The following GRIK1 variants were observed in gnomAD, a reference collection of about 807,000 sequenced individuals.
The protein encoded by GRIK1 is glutamate receptor ionotropic, kainate 1.
In GRIK1, 69 loss-of-function variants were observed where a neutral mutation model predicts 105.7. That is an observed-to-expected ratio of 0.65 (90% CI 0.54 to 0.80). GRIK1 has a LOEUF of 0.80. GRIK1 is among the 30% of genes least tolerant of loss of function. GRIK1 has a pLI of 0.00. For synonymous variants in GRIK1, 438 were observed against 431.3 expected (o/e 1.02, Z -0.19); for missense variants, 1,109 against 1,167.3 (o/e 0.95, Z 0.73).
intron 4 of GRIK1, among the ~76,000 whole-genome samples, chr21:29,660,576 G>T (rs2062944081): frequency 6.6e-6 from 1 of 152,146 alleles, no homozygotes; most frequent in East Asian, 1.9e-4. Flanking sequence ...CACATAATTG[G>T]TCTGCTGCTA....
At chr21:29,854,534 C>T (rs1186764916) in intron 1 of GRIK1, among the ~76,000 whole-genome samples, 2 of 152,050 alleles carry the variant, frequency 1.3e-5, no homozygotes, top group Non-Finnish European at 2.9e-5. Flanking sequence ...AATTACTATG[C>T]CTGGAATGGA....
intron 1 of GRIK1, among the ~76,000 whole-genome samples, chr21:29,904,760 G>C (rs149855676): frequency 1.3e-3 from 194 of 152,314 alleles, no homozygotes; most frequent in African/African-American, 4.5e-3. Context: ...GAACCAGGAA[G>C]TGTTGACCTG....
At position 29,554,305 on chromosome 21, in the gene GRIK1, A is replaced by G. The variant is rs116115763; in HGVS notation, c.2607+747T>C. On this transcript the variant is annotated intron_variant, in intron 16 of 17. Transcript: ENST00000327783. ...TCACTATGATGACCATAAACTTTAT[A>G]TTTTGTTTATTCTAGCATGGTTATG... 8.2e-3 allele frequency among the ~76,000 whole-genome samples: 1,254 copies of G among 152,298 alleles called. 23 individuals carry two copies. Among genetic ancestry groups the G allele is most frequent in the African/African-American group, 0.029 (1,185 of 41,564 alleles).
chr21:29,858,482 G>A (rs189326467), intron 1 of GRIK1, among the ~76,000 whole-genome samples: 32 of 152,212 alleles, frequency 2.1e-4, no homozygotes, highest in Admixed American at 5.2e-4. Context: ...GTGACTCCCC[G>A]GCGGCTGTTC....
Position 29,645,702 on chromosome 21 carries a change from G to T in GRIK1, c.955-2733C>A, listed in dbSNP as rs78703504. Reference sequence around the variant, plus strand: ...CTCCCCCTTTCAGTTTTGTGCTCGAGGCCTGCTTACTGAATGACTGTCATC... The same window carrying T: ...CTCCCCCTTTCAGTTTTGTGCTCGATGCCTGCTTACTGAATGACTGTCATC... On this transcript the variant is annotated intron_variant, in intron 6 of 17. Coordinates refer to ENST00000327783, the MANE Select transcript of GRIK1 (RefSeq NM_001330994.2). Among the ~76,000 whole-genome samples, 882 of 152,196 alleles carry T rather than the reference G, an allele frequency of 5.8e-3. 2 individuals carry two copies. The highest frequency in any genetic ancestry group is 0.02 in the African/African-American group (839 of 41,506).
chr21:29,621,199 G>A (rs2061994073), intron 7 of GRIK1, among the ~76,000 whole-genome samples: 1 of 152,122 alleles, frequency 6.6e-6, no homozygotes, highest in African/African-American at 2.4e-5. Flanking sequence ...GAAACAGAAA[G>A]TAATAACAGT....
At chr21:29,564,038 CAT>C (rs66526981) in intron 14 of GRIK1, among the ~76,000 whole-genome samples, 298 of 152,294 alleles carry the variant, frequency 2.0e-3, no homozygotes, top group African/African-American at 6.3e-3. Flanking sequence ...TTCATGGACT[CAT>C]TATTCCCTGA....
intron 1 of GRIK1, among the ~76,000 whole-genome samples, chr21:29,890,738 C>A (rs546949452): frequency 1.2e-4 from 18 of 152,210 alleles, no homozygotes; most frequent in Admixed American, 1.2e-3. Context: ...TTGGCAGGAA[C>A]CCAATATAAG....
intron 1 of GRIK1, among the ~76,000 whole-genome samples, chr21:29,808,825 A>G (rs976298298): frequency 6.6e-6 from 1 of 152,132 alleles, no homozygotes. Context: ...TTAGCCCCCC[A>G]TGTTTGTGAG....
intron 1 of GRIK1, among the ~76,000 whole-genome samples, chr21:29,888,269 C>T (rs1020660503): frequency 4.4e-5 from 6 of 137,332 alleles, no homozygotes; most frequent in Non-Finnish European, 7.8e-5. Context: ...TTCCTTCCTT[C>T]CTTCCTATTT....
intron 16 of GRIK1, among the ~76,000 whole-genome samples, chr21:29,546,652 A>G (rs2090055686): frequency 6.6e-6 from 1 of 152,244 alleles, no homozygotes; most frequent in African/African-American, 2.4e-5. Context: ...AAATATCATT[A>G]TCTCTGTTTC....
At chr21:29,870,880 G>A (rs1050315064) in intron 1 of GRIK1, among the ~76,000 whole-genome samples, 5 of 151,798 alleles carry the variant, frequency 3.3e-5, no homozygotes, top group African/African-American at 1.2e-4. Flanking sequence ...CCTTTGAGAC[G>A]TAAACTTTTG....
At chr21:29,694,360 G>A (rs2063651441) in intron 1 of GRIK1, among the ~76,000 whole-genome samples, 1 of 151,924 alleles carries the variant, frequency 6.6e-6, no homozygotes, top group African/African-American at 2.4e-5. Context: ...CTGACCTCAG[G>A]TGATCCACCC....
intron 1 of GRIK1, among the ~76,000 whole-genome samples, chr21:29,829,552 T>C (rs2067568437): frequency 1.3e-5 from 2 of 152,208 alleles, no homozygotes; most frequent in South Asian, 4.1e-4. Context: ...GCTACATATT[T>C]TTCTATCTGT....
chr21:29,678,641 C>G (rs1487749884), intron 3 of GRIK1, among the ~76,000 whole-genome samples: 3 of 151,802 alleles, frequency 2.0e-5, no homozygotes, highest in African/African-American at 7.3e-5. Context: ...AAAGTGAGTA[C>G]AGAGAAAAAA....
chr21:29,799,140 C>A (rs998264078), intron 1 of GRIK1, among the ~76,000 whole-genome samples: 1 of 152,166 alleles, frequency 6.6e-6, no homozygotes, highest in African/African-American at 2.4e-5. Context: ...ATATCAGTTA[C>A]ATGGAAACAA....
chr21:29,562,785 G>C (rs1341005255), intron 14 of GRIK1, among the ~76,000 whole-genome samples: 1 of 151,874 alleles, frequency 6.6e-6, no homozygotes, highest in Non-Finnish European at 1.5e-5. Context: ...TAATATATTT[G>C]TCTTTTCTCA....
intron 3 of GRIK1, among the ~76,000 whole-genome samples, chr21:29,675,821 C>T (rs886358077): frequency 1.3e-5 from 2 of 152,128 alleles, no homozygotes; most frequent in South Asian, 2.1e-4. Flanking sequence ...TGGCAGAACC[C>T]GGGATTAAGG....
At chr21:29,669,407 T>C (rs2063122536) in intron 4 of GRIK1, among the ~76,000 whole-genome samples, 1 of 152,210 alleles carries the variant, frequency 6.6e-6, no homozygotes, top group Non-Finnish European at 1.5e-5. Context: ...TGATTTCAGC[T>C]ACCAGAAAAG....
Sources: allele counts gnomAD v4.1 joint callset (sites outside exome capture counted in the v4.1 genomes callset), GRCh38; gene constraint gnomAD v4.1.1; transcripts MANE v1.5; gene names NCBI Gene and HGNC (gene_info 2026-07-23, HGNC 2026-07-21).